The following G3BP1 variants were observed in gnomAD, a reference collection of about 807,000 sequenced individuals.
G3BP1 encodes the protein ras GTPase-activating protein-binding protein 1.
G3BP1 carries 35 observed loss-of-function variants against 58.6 expected under a neutral mutation model. That is an observed-to-expected ratio of 0.60 (90% CI 0.46 to 0.79). The LOEUF (loss-of-function observed/expected upper bound fraction) is 0.79, where lower values mean the gene tolerates loss of function less well. Ranked by LOEUF, G3BP1 falls within the 30% of genes least tolerant of loss-of-function variation. G3BP1 has a pLI of 0.00. For synonymous variants in G3BP1, 191 were observed against 195.4 expected, an observed-to-expected ratio of 0.98 and a Z score of 0.19; for missense variants, 523 against 580.8, an observed-to-expected ratio of 0.90 and a Z score of 1.02.
chr5:151,800,325 G>C lies in G3BP1; in HGVS notation c.1063G>C (p.Glu355Gln). 1.2e-6 allele frequency: 2 copies of C among 1,613,304 alleles called. No individual in the cohort carries two copies. The highest frequency in any genetic ancestry group is 1.7e-6 in the Non-Finnish European group (2 of 1,179,326). The change falls in exon 10 of 12, where the codon GAG becomes CAG. Residue 355 changes from glutamate to glutamine, a missense_variant. By Grantham distance (29) the Glu-to-Gln change is conservative. This residue lies in a region of G3BP1 where 125 missense variants were observed against 181.7 expected (regional missense o/e 0.69). Coordinates refer to ENST00000356245, the MANE Select transcript of G3BP1 (RefSeq NM_005754.3). ...CCTGCCTCATGAAGTGGACAAATCA[G>C]AGCTTAAAGATTTCTTTCAAAGTAG... ...GNLPHEVDKSELKDFFQSYGN... is the reference protein window; with the variant it reads ...GNLPHEVDKSQLKDFFQSYGN...
At chr5:151,786,848 C>T in intron 2 of G3BP1, 133 bp downstream of exon 2, 1 of 619,694 alleles carries the variant, frequency 1.6e-6, no homozygotes, top group Non-Finnish European at 2.9e-6. Flanking sequence ...AAATATCCCC[C>T]AATTTTTTAT....
chr5:151,776,161 T>G (rs980708888), intron 1 of G3BP1, among the ~76,000 whole-genome samples: 5 of 152,220 alleles, frequency 3.3e-5, no homozygotes, highest in Non-Finnish European at 7.3e-5. Flanking sequence ...ACACTTGATC[T>G]CATTTGGATT....
intron 1 of G3BP1, among the ~76,000 whole-genome samples, chr5:151,774,317 G>A (rs551411276): frequency 6.6e-6 from 1 of 152,028 alleles, no homozygotes; most frequent in East Asian, 1.9e-4. Context: ...GACCTACTTA[G>A]AGCAGTTTTT....
At position 151,792,002 on chromosome 5, in the gene G3BP1, T is replaced by A. The variant is rs1222697573; in HGVS notation, c.351+940T>A. 1.9e-5 allele frequency: 8 copies of A among 426,350 alleles called. 1 individual carries two copies. Among genetic ancestry groups the A allele is most frequent in the South Asian group, 1.4e-4 (8 of 59,238 alleles). The allele number at this position is 426,350 out of a possible 1,614,324, so 26.4% of individuals were successfully genotyped here. On this transcript the variant is annotated intron_variant, in intron 4 of 11. Coordinates refer to ENST00000356245, the MANE Select transcript of G3BP1 (RefSeq NM_005754.3). The stretch of plus-strand genomic sequence containing the variant: ...TAAATGAAGGATGGGAGATTCTCTA[T>A]CTTTTTATCTTTCTTGAACACTTAT...
intron 4 of G3BP1, among the ~76,000 whole-genome samples, chr5:151,792,860 C>T (rs1445892628): frequency 6.6e-6 from 1 of 152,118 alleles, no homozygotes; most frequent in Non-Finnish European, 1.5e-5. Flanking sequence ...AGCAGTTCTC[C>T]TACCTCAGCT....
intron 1 of G3BP1, among the ~76,000 whole-genome samples, chr5:151,782,157 GCTTA>G (rs941952349): frequency 2.0e-5 from 3 of 152,074 alleles, no homozygotes; most frequent in Non-Finnish European, 2.9e-5. Context: ...TTTATTTCCT[GCTTA>G]CTGTTAGGCA....
At chr5:151,793,476 GTTT>G (rs1002751532) in intron 4 of G3BP1, among the ~76,000 whole-genome samples, 12 of 152,176 alleles carry the variant, frequency 7.9e-5, no homozygotes, top group African/African-American at 2.9e-4. Flanking sequence ...GGCTTTGTCA[GTTT>G]TTGGATATTT....
At chr5:151,793,168 G>A (rs554310448) in intron 4 of G3BP1, among the ~76,000 whole-genome samples, 38 of 152,120 alleles carry the variant, frequency 2.5e-4, no homozygotes, top group Non-Finnish European at 4.7e-4. Context: ...GAGTGCAGAG[G>A]TGCAGTCTGG....
At chr5:151,799,346 A>C (rs17119588) in intron 8 of G3BP1, 33 bp downstream of exon 8, 1 of 1,039,146 alleles carries the variant, frequency 9.6e-7, no homozygotes, top group Non-Finnish European at 1.5e-6. Context: ...ACATTAGGCA[A>C]ATTTACTTCT....
At chr5:151,793,847 A>AG (rs896511263) in intron 4 of G3BP1, among the ~76,000 whole-genome samples, 1 of 151,632 alleles carries the variant, frequency 6.6e-6, no homozygotes, top group Non-Finnish European at 1.5e-5. Flanking sequence ...AAAAAAAAAA[A>AG]AAAAGAAAAA....
chr5:151,773,724 C>G (rs972526946), intron 1 of G3BP1, among the ~76,000 whole-genome samples: 27 of 152,084 alleles, frequency 1.8e-4, no homozygotes, highest in African/African-American at 6.3e-4. Context: ...TGGAACTTTG[C>G]TGGTGTGGCG....
chr5:151,774,199 C>T (rs547812955), intron 1 of G3BP1, among the ~76,000 whole-genome samples: 1 of 152,256 alleles, frequency 6.6e-6, no homozygotes, highest in South Asian at 2.1e-4. Flanking sequence ...AGCTTTTGTA[C>T]CTCTTACAGG....
Position 151,786,713 on chromosome 5 carries a change from T to C in G3BP1, c.93T>C (p.His31=). Residue 31 remains histidine, a splice_region_variant and synonymous_variant, in exon 2 of 12, where the codon CAT becomes CAC. Transcript: ENST00000356245. ...TGAACCAGGCCCCAGACATGCTGCA[T>C]AGGTAAGACATTTTTCTCCTGCATC... ...TLLNQAPDML[H]RFYGKNSSYV... 2 of 1,585,714 alleles carry C rather than the reference T, an allele frequency of 1.3e-6. No individual in the cohort carries two copies. Among genetic ancestry groups the C allele is most frequent in the Non-Finnish European group, 1.7e-6 (2 of 1,154,044 alleles).
chr5:151,778,007 G>A (rs1010652027), intron 1 of G3BP1, among the ~76,000 whole-genome samples: 4 of 152,122 alleles, frequency 2.6e-5, no homozygotes, highest in South Asian at 2.1e-4. Context: ...ATTGAAAAAC[G>A]GCAGAAGCTG....
Position 151,786,654 on chromosome 5 carries a change from G to C in G3BP1, c.34G>C (p.Gly12Arg), listed in dbSNP as rs200485376. 6.2e-7 allele frequency: 1 copy of C among 1,613,442 alleles called. No homozygotes were observed. The highest frequency in any genetic ancestry group is 1.7e-5 in the Admixed American group (1 of 60,002). ...VMEKPSPLLV[G>R]REFVRQYYTL... ...GGAGAAGCCTAGTCCCCTGCTGGTC[G>C]GGCGGGAATTTGTGAGACAGTATTA... is the stretch of plus-strand genomic sequence containing the variant. The change falls in exon 2 of 12, where the codon GGG (glycine) becomes CGG (arginine). Residue 12 changes from glycine (G) to arginine (R), a missense_variant. Gly to Arg is a moderately radical substitution (Grantham distance 125, BLOSUM62 -2). Around this residue, in one of 2 missense-constraint regions of G3BP1, gnomAD observed 398 missense variants for 399.1 expected, o/e 1.00. Coordinates refer to ENST00000356245, the MANE Select transcript of G3BP1 (RefSeq NM_005754.3).
chr5:151,782,609 T>G (rs1762486091), intron 1 of G3BP1, among the ~76,000 whole-genome samples: 1 of 152,174 alleles, frequency 6.6e-6, no homozygotes, highest in Admixed American at 6.5e-5. Context: ...GTAGAAATTT[T>G]AAAAACATCT....
intron 1 of G3BP1, among the ~76,000 whole-genome samples, chr5:151,775,454 A>G (rs1467684621): frequency 6.6e-6 from 1 of 152,282 alleles, no homozygotes; most frequent in African/African-American, 2.4e-5. Flanking sequence ...AACTATTTTG[A>G]AAAGCATGTG....
Position 151,796,562 on chromosome 5 carries a change from CT to C in G3BP1, c.540-664del, listed in dbSNP as rs201693795. On this transcript the variant is annotated intron_variant, in intron 6 of 11. Transcript: ENST00000356245. ...GGATTACAGGTGTGTGCCCAGCCCC[CT>C]CTGCAGTTTTAACAGCATTTCTGGT... Among the ~76,000 whole-genome samples the C allele has an allele frequency of 4.4e-3, 669 of 152,318 alleles. 4 individuals are homozygous for C. The highest frequency in any genetic ancestry group is 0.016 in the African/African-American group (646 of 41,572).
chr5:151,807,699 ACTTTT>A lies in G3BP1; in HGVS notation c.*3612_*3616del, dbSNP rs761852279. 17 of 152,184 alleles carry A rather than the reference ACTTTT, an allele frequency of 1.1e-4. No individual in the cohort carries two copies. The highest frequency in any genetic ancestry group is 2.4e-4 in the Non-Finnish European group (16 of 68,022). The allele number at this position is 152,184 out of a possible 1,614,324, so 9.4% of individuals were successfully genotyped here. A position where few individuals can be genotyped will look rare whatever the true frequency, so the allele number is the denominator to read the frequency against. ...TGCTTATAAACTGTCACCTTCTGAT[ACTTTT>A]CTTCATCCCTCTATTTGAAAAACCC... On this transcript the variant is annotated 3_prime_UTR_variant, in exon 12 of 12. Transcript: ENST00000356245.
Sources: gnomAD v4.1 joint callset for allele counts (sites outside exome capture counted in the v4.1 genomes callset) on GRCh38, gnomAD v4.1.1 for gene constraint, gnomAD v4.1.1 regional missense constraint, MANE v1.5 for transcripts, NCBI Gene and HGNC (gene_info 2026-07-23, HGNC 2026-07-21) for gene names.